Variants in FILIP1L observed in about 807,000 individuals in gnomAD.
The protein encoded by FILIP1L is filamin A-interacting protein 1-like.
FILIP1L carries 55 observed loss-of-function variants against 96.6 expected under a neutral mutation model. The ratio of observed to expected loss-of-function variants is 0.57; its 90% CI spans 0.46 to 0.71. The LOEUF (loss-of-function observed/expected upper bound fraction) is 0.71, where lower values mean the gene tolerates loss of function less well. FILIP1L is among the 30% of genes least tolerant of loss of function. The pLI is 0.00. For synonymous variants in FILIP1L, 467 were observed against 473.9 expected, an observed-to-expected ratio of 0.99 and a Z score of 0.19; for missense variants, 1,304 against 1,321.2, an observed-to-expected ratio of 0.99 and a Z score of 0.20.
At chr3:99,941,346 A>G (rs908744868) in intron 1 of FILIP1L, among the ~76,000 whole-genome samples, 2 of 152,260 alleles carry the variant, frequency 1.3e-5, no homozygotes, top group Non-Finnish European at 2.9e-5. Context: ...ATAATGTTCA[A>G]TGCACAAAGT....
chr3:99,858,846 T>C (rs1342542746), intron 4 of FILIP1L, among the ~76,000 whole-genome samples: 2 of 152,226 alleles, frequency 1.3e-5, no homozygotes, highest in Admixed American at 1.3e-4. Context: ...AGTGGCAAAT[T>C]TGTCTTTCTC....
chr3:99,998,575 C>T (rs1709748648), intron 1 of FILIP1L, among the ~76,000 whole-genome samples: 2 of 152,260 alleles, frequency 1.3e-5, no homozygotes, highest in Admixed American at 1.3e-4. Context: ...TAAAGAAAGA[C>T]AAAACTCAAA....
intron 1 of FILIP1L, among the ~76,000 whole-genome samples, chr3:100,049,335 A>AC (rs1398371764): frequency 1.3e-5 from 2 of 152,116 alleles, no homozygotes; most frequent in Non-Finnish European, 2.9e-5. Flanking sequence ...TTGTTATGAA[A>AC]CCCTAGGGTC....
intron 1 of FILIP1L, among the ~76,000 whole-genome samples, chr3:100,049,845 A>AT (rs2065339912): frequency 6.6e-6 from 1 of 152,190 alleles, no homozygotes; most frequent in Non-Finnish European, 1.5e-5. Flanking sequence ...ATACTTGTTA[A>AT]TTGACTTTTT....
chr3:99,897,963 A>T (rs1466456564), intron 4 of FILIP1L, among the ~76,000 whole-genome samples: 1 of 152,252 alleles, frequency 6.6e-6, no homozygotes, highest in Non-Finnish European at 1.5e-5. Context: ...AACTCTATTA[A>T]GAAAAGATAT....
chr3:99,928,737 A>G (rs1224275449), intron 3 of FILIP1L, among the ~76,000 whole-genome samples: 4 of 152,208 alleles, frequency 2.6e-5, no homozygotes, highest in Admixed American at 2.6e-4. Context: ...TTGAGCTCAC[A>G]GGGGTTGGGG....
At chr3:99,886,439 T>C (rs1576548215) in intron 4 of FILIP1L, among the ~76,000 whole-genome samples, 1 of 151,266 alleles carries the variant, frequency 6.6e-6, no homozygotes, top group Non-Finnish European at 1.5e-5. Flanking sequence ...AAAAAAAAAA[T>C]CTCATGTTTT....
chr3:100,020,949 G>A (rs1003628641), intron 1 of FILIP1L, among the ~76,000 whole-genome samples: 1 of 152,012 alleles, frequency 6.6e-6, no homozygotes, highest in East Asian at 1.9e-4. Flanking sequence ...TGTATTTTTA[G>A]TAGGGACAGG....
At chr3:100,002,395 A>T (rs1709868165) in intron 1 of FILIP1L, among the ~76,000 whole-genome samples, 1 of 152,208 alleles carries the variant, frequency 6.6e-6, no homozygotes, top group African/African-American at 2.4e-5. Flanking sequence ...TCTGTGGCTT[A>T]GACTGGAGTA....
intron 5 of FILIP1L, among the ~76,000 whole-genome samples, chr3:99,833,977 A>G (rs543419407): frequency 3.3e-5 from 5 of 152,364 alleles, no homozygotes; most frequent in African/African-American, 9.6e-5. Flanking sequence ...AGGAAATGCT[A>G]AACTGAAGAA....
chr3:100,080,589 G>A (rs2065918271), intron 1 of FILIP1L, among the ~76,000 whole-genome samples: 1 of 152,196 alleles, frequency 6.6e-6, no homozygotes, highest in Admixed American at 6.5e-5. Context: ...GCCAGTCTCA[G>A]AAAGGCTGAA....
At chr3:99,916,371 A>G (rs1215101853) in intron 4 of FILIP1L, among the ~76,000 whole-genome samples, 1 of 151,868 alleles carries the variant, frequency 6.6e-6, no homozygotes, top group Non-Finnish European at 1.5e-5. Context: ...CAGTTTGAAG[A>G]CAGCAGCTCA....
chr3:99,997,527 G>A (rs887801305), intron 1 of FILIP1L, among the ~76,000 whole-genome samples: 6 of 152,248 alleles, frequency 3.9e-5, no homozygotes, highest in East Asian at 1.9e-4. Flanking sequence ...ATTAGAATAC[G>A]TAGGAAGCTT....
At chr3:100,047,001 C>T (rs938287956) in intron 1 of FILIP1L, among the ~76,000 whole-genome samples, 1 of 152,184 alleles carries the variant, frequency 6.6e-6, no homozygotes, top group Non-Finnish European at 1.5e-5. Context: ...TAATAATTGA[C>T]TATCAACAGT....
intron 1 of FILIP1L, among the ~76,000 whole-genome samples, chr3:100,105,595 A>G (rs1226528635): frequency 2.6e-5 from 4 of 152,206 alleles, no homozygotes; most frequent in Non-Finnish European, 1.5e-5. Context: ...AGCAGAATTG[A>G]TAAGGTATTT....
At chr3:100,005,131 C>T (rs1401247312) in intron 1 of FILIP1L, among the ~76,000 whole-genome samples, 2 of 152,192 alleles carry the variant, frequency 1.3e-5, no homozygotes, top group Admixed American at 1.3e-4. Flanking sequence ...AATACCAAAC[C>T]TTATCTTACT....
At chr3:99,942,457 A>G (rs1019729075) in intron 1 of FILIP1L, among the ~76,000 whole-genome samples, 5 of 152,202 alleles carry the variant, frequency 3.3e-5, no homozygotes, top group African/African-American at 1.2e-4. Flanking sequence ...TTCTTTCTAC[A>G]TTTTGTATAT....
In FILIP1L at chr3:99,996,820, A is replaced by G. The variant is rs557764366; in HGVS notation, c.-10-65790T>C. Among the ~76,000 whole-genome samples the G allele has an allele frequency of 8.3e-4, 127 of 152,208 alleles. 1 individual carries two copies. Among genetic ancestry groups the G allele is most frequent in the East Asian group, 2.3e-3 (12 of 5,180 alleles). On this transcript the variant is annotated intron_variant, in intron 1 of 5. Transcript: ENST00000477258. The stretch of plus-strand genomic sequence containing the variant: ...CCATGATTCAAATTATCTCCCACCG[A>G]GTCCCTCCCACAACACATGGGAATT...
At chr3:100,075,911 AGCTG>A (rs2065843045) in intron 1 of FILIP1L, among the ~76,000 whole-genome samples, 1 of 152,158 alleles carries the variant, frequency 6.6e-6, no homozygotes, top group Non-Finnish European at 1.5e-5. Flanking sequence ...GATTCAGGAG[AGCTG>A]AGTTGGAGCC....
Sources: allele counts gnomAD v4.1 joint callset (sites outside exome capture counted in the v4.1 genomes callset), GRCh38; gene constraint gnomAD v4.1.1; transcripts MANE v1.5; gene names NCBI Gene and HGNC (gene_info 2026-07-23, HGNC 2026-07-21).